AKNA: variants seen among roughly 807,000 people sequenced by gnomAD.
AKNA encodes the protein microtubule organization protein AKNA.
A neutral mutation model predicts 138.8 loss-of-function variants in AKNA; 67 were observed. The ratio of observed to expected loss-of-function variants is 0.48; its 90% CI spans 0.40 to 0.59. The LOEUF (loss-of-function observed/expected upper bound fraction) is 0.59, where lower values mean the gene tolerates loss of function less well. Ranked by LOEUF, AKNA falls within the 20% of genes least tolerant of loss-of-function variation. AKNA has a pLI of 0.00. For synonymous variants in AKNA, 737 were observed against 754.4 expected (o/e 0.98, Z 0.38); for missense variants, 1,813 against 1,880.4 (o/e 0.96, Z 0.66).
chr9:114,380,970 A>G, intron 2 of AKNA, 90 bp downstream of exon 2: 4 of 1,371,258 alleles, frequency 2.9e-6, no homozygotes, highest in Non-Finnish European at 3.8e-6. Context: ...CAATGAAGCA[A>G]GACTCTGTCT....
chr9:114,357,369 C>T (rs1831572961), intron 12 of AKNA, among the ~76,000 whole-genome samples: 1 of 152,204 alleles, frequency 6.6e-6, no homozygotes. Flanking sequence ...ATTGGAAAAA[C>T]GAGACCATCA....
chr9:114,356,735 G>C (rs1353886410), intron 13 of AKNA, 128 bp downstream of exon 13: 2 of 805,038 alleles, frequency 2.5e-6, no homozygotes, highest in Non-Finnish European at 1.9e-6. Context: ...ATCACGGTTA[G>C]GGGATGAAAT....
chr9:114,363,086 CATA>C (rs1310516931), intron 7 of AKNA, among the ~76,000 whole-genome samples: 1 of 152,198 alleles, frequency 6.6e-6, no homozygotes, highest in Non-Finnish European at 1.5e-5. Flanking sequence ...TCAATATAAT[CATA>C]ATGAGAGGGG....
rs3748178 is a variant in AKNA, at chr9:114,347,766, C to G, written c.3356G>C (p.Arg1119Pro). Residue 1119 changes from arginine to proline, a missense_variant, in exon 16 of 22, where the codon CGG (arginine) becomes CCG (proline). Arg to Pro is a moderately radical substitution (Grantham distance 103). Coordinates refer to ENST00000374088, the MANE Select transcript of AKNA (RefSeq NM_001317950.2). ...AFDRPARTRG[R>P]PADSPATWGS... ...CCAGGTGGCTGGGGAGTCTGCTGGC[C>G]GGCCGCGGGTCCGGGCGGGGCGGTC... 5 of 1,541,166 alleles carry G rather than the reference C, an allele frequency of 3.2e-6. No homozygotes were observed. The South Asian group carries it at 6.0e-5, about 19-fold the overall frequency.
intron 2 of AKNA, 134 bp from the exon 3 acceptor site, chr9:114,377,666 T>C (rs1458114401): frequency 4.3e-6 from 4 of 938,344 alleles, no homozygotes; most frequent in South Asian, 1.7e-5. Context: ...AAGGTGGTGG[T>C]AGACTTAGCC....
downstream of AKNA, chr9:114,331,000 C>G (rs181964019): frequency 1.5e-6 from 1 of 670,006 alleles, no homozygotes; most frequent in East Asian, 2.7e-5. Flanking sequence ...TTACCACGTG[C>G]TCAGAAAAAA....
chr9:114,371,269 C>G (rs1003724173), intron 4 of AKNA, among the ~76,000 whole-genome samples: 24 of 152,228 alleles, frequency 1.6e-4, no homozygotes, highest in African/African-American at 5.8e-4. Context: ...CACTCGTGGG[C>G]TTCAGAGCTA....
chr9:114,365,196 G>A (rs1832253822), intron 6 of AKNA, among the ~76,000 whole-genome samples: 2 of 152,304 alleles, frequency 1.3e-5, no homozygotes, highest in East Asian at 1.9e-4. Context: ...CTGGGTGGCT[G>A]GAAGACAGGA....
At chr9:114,370,864 C>G (rs915002806) in intron 4 of AKNA, among the ~76,000 whole-genome samples, 5 of 152,166 alleles carry the variant, frequency 3.3e-5, no homozygotes, top group Non-Finnish European at 5.9e-5. Context: ...CCCCTCCCCC[C>G]ATCCCCACCC....
At chr9:114,397,513 T>C (rs140254653), upstream of AKNA, among the ~76,000 whole-genome samples, 6 of 152,336 alleles carry the variant, frequency 3.9e-5, no homozygotes, top group African/African-American at 9.6e-5. Context: ...TATCAGCAAT[T>C]TTCCCTTCCG....
At chr9:114,382,588 G>GAAA (rs72172564) in intron 1 of AKNA, among the ~76,000 whole-genome samples, 5 of 84,716 alleles carry the variant, frequency 5.9e-5, no homozygotes, top group African/African-American at 1.7e-4. Flanking sequence ...GTCTCAAAAG[G>GAAA]AAAAAAAAAA....
At chr9:114,374,264 T>C (rs1589012143) in intron 3 of AKNA, 97 bp from the exon 4 acceptor site, 1 of 1,199,862 alleles carries the variant, frequency 8.3e-7, no homozygotes, top group East Asian at 2.5e-5. Context: ...CCATAAGGGC[T>C]TCTGGGTTCC....
chr9:114,346,621 G>T, intron 17 of AKNA, 48 bp downstream of exon 17: 2 of 1,477,738 alleles, frequency 1.4e-6, no homozygotes, highest in Non-Finnish European at 1.9e-6. Flanking sequence ...GAGCCAACAT[G>T]CTCAGACTGT....
chr9:114,352,345 C>T (rs1178669620), intron 14 of AKNA, among the ~76,000 whole-genome samples: 1 of 152,202 alleles, frequency 6.6e-6, no homozygotes, highest in Non-Finnish European at 1.5e-5. Context: ...CACCTATAAT[C>T]CCAGCACTTT....
At chr9:114,355,855 G>C (rs1831460614) in intron 14 of AKNA, 70 bp downstream of exon 14, 2 of 1,488,988 alleles carry the variant, frequency 1.3e-6, no homozygotes, top group African/African-American at 1.4e-5. Context: ...TATCCTAAAG[G>C]GTTCTGCAAG....
chr9:114,357,796 G>T, intron 12 of AKNA, 125 bp downstream of exon 12: 4 of 1,456,148 alleles, frequency 2.7e-6, no homozygotes, highest in Non-Finnish European at 3.7e-6. Context: ...ATTGTGGCTG[G>T]CAGGGACAGG....
chr9:114,338,064 G>A (rs769311762), intron 21 of AKNA, among the ~76,000 whole-genome samples: 62 of 152,276 alleles, frequency 4.1e-4, no homozygotes, highest in Non-Finnish European at 7.8e-4. Context: ...TTAAATAAAG[G>A]GTGTGTGTGG....
intron 4 of AKNA, among the ~76,000 whole-genome samples, chr9:114,373,441 C>G (rs1368948940): frequency 6.6e-6 from 1 of 152,156 alleles, no homozygotes; most frequent in Non-Finnish European, 1.5e-5. Flanking sequence ...GCACCAGGGG[C>G]TGAGCAGAAA....
In AKNA at chr9:114,356,156, G is replaced by A. The variant is rs543688789; in HGVS notation, c.2847-20C>T. The A allele has an allele frequency of 1.2e-6, 2 of 1,603,392 alleles. No individual in the cohort carries two copies. The highest frequency in any genetic ancestry group is 2.2e-5 in the East Asian group (1 of 44,758). ...GCTGTGCTGGGGGACCGTGGAGGAA[G>A]GGACACACAGGGGTCACACAGAGTG... On this transcript the variant is annotated intron_variant, in intron 13 of 21. Transcript: ENST00000374088.
Sources: gnomAD v4.1 joint callset for allele counts (sites outside exome capture counted in the v4.1 genomes callset) on GRCh38, gnomAD v4.1.1 for gene constraint, MANE v1.5 for transcripts, NCBI Gene and HGNC (gene_info 2026-07-23, HGNC 2026-07-21) for gene names.